Variants in DAZAP1 observed in about 807,000 individuals in gnomAD.
DAZAP1 encodes DAZ-associated protein 1.
A neutral mutation model predicts 60.1 loss-of-function variants in DAZAP1; 6 were observed. That is an observed-to-expected ratio of 0.10 (90% CI 0.05 to 0.20). DAZAP1 has a LOEUF of 0.20. Ranked by LOEUF, DAZAP1 falls within the 10% of genes least tolerant of loss-of-function variation. The probability of loss-of-function intolerance (pLI) is 1.00; values close to 1 mark genes in which losing one functional copy is unlikely to be tolerated. For synonymous variants in DAZAP1, 235 were observed against 215.9 expected (o/e 1.09, Z -0.78); for missense variants, 366 against 560.4 (o/e 0.65, Z 3.50).
Position 1,426,243 on chromosome 19 carries a change from CG to C in DAZAP1, c.546+285del, listed in dbSNP as rs1775327836. ...GGGGGCTGGGGCTGGGAGGCTGTGGCGGTGTTGGGGCTGGCTCCAGTGAAAC... is the reference window on the plus strand; with the variant it reads ...GGGGGCTGGGGCTGGGAGGCTGTGGCGTGTTGGGGCTGGCTCCAGTGAAAC... On this transcript the variant is annotated intron_variant, in intron 7 of 11. Coordinates refer to ENST00000233078, the MANE Select transcript of DAZAP1 (RefSeq NM_018959.4). The surrounding 1 kb of genome is among the most constrained non-coding windows in gnomAD (Gnocchi z 5.4). 27 of 417,342 alleles carry C rather than the reference CG, an allele frequency of 6.5e-5. No individual in the cohort carries two copies. Among genetic ancestry groups the C allele is most frequent in the South Asian group, 6.3e-4 (27 of 43,062 alleles). The allele number at this position is 417,342 out of a possible 1,614,324, so 25.9% of individuals were successfully genotyped here.
chr19:1,424,145 C>G (rs927996736), intron 6 of DAZAP1, among the ~76,000 whole-genome samples: 1 of 151,952 alleles, frequency 6.6e-6, no homozygotes, highest in Non-Finnish European at 1.5e-5. Flanking sequence ...TCAGGGACCC[C>G]GCCTGTGTCT....
chr19:1,411,214 G>A (rs1249754719), intron 1 of DAZAP1, among the ~76,000 whole-genome samples: 1 of 152,228 alleles, frequency 6.6e-6, no homozygotes. Flanking sequence ...TGGTGCATTT[G>A]GAGTTATTCC....
chr19:1,433,568 T>A lies in DAZAP1; in HGVS notation c.1048+878T>A. Reference sequence around the variant, plus strand: ...GTTCCCCTGCCCCCACGCCCAGGCCTTGGGCCGAGGTTGCCGCATGTGTGG... The same window carrying A: ...GTTCCCCTGCCCCCACGCCCAGGCCATGGGCCGAGGTTGCCGCATGTGTGG... On this transcript the variant is annotated intron_variant, in intron 11 of 11. Coordinates refer to ENST00000233078, the MANE Select transcript of DAZAP1 (RefSeq NM_018959.4). This position sits in a 1 kb window ranked among gnomAD's most constrained non-coding sequence, Gnocchi z 6.1. 4 of 556,868 alleles carry A rather than the reference T, an allele frequency of 7.2e-6. No homozygotes were observed. Among genetic ancestry groups the A allele is most frequent in the African/African-American group, 1.9e-5 (1 of 52,240 alleles). 34.5% of individuals were successfully genotyped at this position (556,868 alleles called of 1,614,324 possible). A position where few individuals can be genotyped will look rare whatever the true frequency, so the allele number is the denominator to read the frequency against.
In DAZAP1 at chr19:1,418,800, C is replaced by T; in HGVS notation, c.303+69C>T. 6.8e-7 allele frequency: 1 copy of T among 1,468,394 alleles called. No homozygotes were observed. The highest frequency in any genetic ancestry group is 9.2e-7 in the Non-Finnish European group (1 of 1,082,376). The allele number at this position is 1,468,394 out of a possible 1,614,324, so 91.0% of individuals were successfully genotyped here. On this transcript the variant is annotated intron_variant, in intron 4 of 11. Transcript: ENST00000233078. The surrounding 1 kb of genome is among the most constrained non-coding windows in gnomAD (Gnocchi z 5.7). ...CACGTGGAAAGGAAATGCGTGCCTTCAATCTGCTGTTGTCGCTCGTTAAGA... is the reference window on the plus strand; with the variant it reads ...CACGTGGAAAGGAAATGCGTGCCTTTAATCTGCTGTTGTCGCTCGTTAAGA...
At chr19:1,408,601 C>T (rs1268879709) in intron 1 of DAZAP1, among the ~76,000 whole-genome samples, 1 of 152,144 alleles carries the variant, frequency 6.6e-6, no homozygotes, top group Non-Finnish European at 1.5e-5. Flanking sequence ...CTCGGGTCAG[C>T]CGGGGCCTGC....
At position 1,422,333 on chromosome 19, in the gene DAZAP1, A is replaced by C; in HGVS notation, c.415-15A>C. On this transcript the variant is annotated splice_polypyrimidine_tract_variant and intron_variant, in intron 5 of 11. Transcript: ENST00000233078. This position sits in a 1 kb window ranked among gnomAD's most constrained non-coding sequence, Gnocchi z 4.5. ...TGGCCCTGGTGTCCGTGCTGACGCC[A>C]CCCTCTCCTTCCAGGTCACGGAGGT... 1 of 1,613,418 alleles carries C rather than the reference A, an allele frequency of 6.2e-7. No individual in the cohort carries two copies. Among genetic ancestry groups the C allele is most frequent in the Non-Finnish European group, 8.5e-7 (1 of 1,179,732 alleles).
intron 1 of DAZAP1, among the ~76,000 whole-genome samples, chr19:1,411,257 G>A (rs1303475426): frequency 6.6e-6 from 1 of 152,220 alleles, no homozygotes; most frequent in Non-Finnish European, 1.5e-5. Context: ...TCAGCACTCT[G>A]GCCTGGATCA....
chr19:1,415,103 G>C (rs900891649), intron 1 of DAZAP1, among the ~76,000 whole-genome samples: 1 of 151,958 alleles, frequency 6.6e-6, no homozygotes, highest in Non-Finnish European at 1.5e-5. Context: ...TAACCCCCCC[G>C]GCCCTGTTTC....
Position 1,433,374 on chromosome 19 carries a change from GCACCAGGGGTCATT to G in DAZAP1, c.1048+688_1048+701del, listed in dbSNP as rs2083505123. On this transcript the variant is annotated intron_variant, in intron 11 of 11. Coordinates refer to ENST00000233078, the MANE Select transcript of DAZAP1 (RefSeq NM_018959.4). This position sits in a 1 kb window ranked among gnomAD's most constrained non-coding sequence, Gnocchi z 6.1. ...GCTCCAACTACGGTCAGCTCCTCCAGCACCAGGGGTCATTCACAAGCAGGGTTTGAGAACATGGG... is the reference window on the plus strand; with the variant it reads ...GCTCCAACTACGGTCAGCTCCTCCAGCACAAGCAGGGTTTGAGAACATGGG... 2 of 290,102 alleles carry G rather than the reference GCACCAGGGGTCATT, an allele frequency of 6.9e-6. No individual in the cohort carries two copies. Among genetic ancestry groups the G allele is most frequent in the Admixed American group, 4.7e-5 (1 of 21,218 alleles). 18.0% of individuals were successfully genotyped at this position (290,102 alleles called of 1,614,324 possible). A position where few individuals can be genotyped will look rare whatever the true frequency, so the allele number is the denominator to read the frequency against.
At chr19:1,421,853 G>T (rs2083165672) in intron 5 of DAZAP1, among the ~76,000 whole-genome samples, 1 of 152,206 alleles carries the variant, frequency 6.6e-6, no homozygotes, top group Non-Finnish European at 1.5e-5. Context: ...ACCTGAGGGT[G>T]CCACGGGCCT....
chr19:1,433,052 G>T lies in DAZAP1; in HGVS notation c.1048+362G>T. ...TCCCGGGTGCACTGGCCCCTTGGTG[G>T]GTTCCAGTTTCTGGCGTCATCAGCC... On this transcript the variant is annotated intron_variant, in intron 11 of 11. Coordinates refer to ENST00000233078, the MANE Select transcript of DAZAP1 (RefSeq NM_018959.4). This position sits in a 1 kb window ranked among gnomAD's most constrained non-coding sequence, Gnocchi z 6.1. The T allele has an allele frequency of 8.5e-6, 2 of 233,960 alleles. No individual in the cohort carries two copies. The highest frequency in any genetic ancestry group is 1.4e-4 in the South Asian group (2 of 13,850). The allele number at this position is 233,960 out of a possible 1,614,324, so 14.5% of individuals were successfully genotyped here. A position where few individuals can be genotyped will look rare whatever the true frequency, so the allele number is the denominator to read the frequency against.
chr19:1,417,573 C>T (rs1383644121), intron 2 of DAZAP1, 33 bp downstream of exon 2: 10 of 1,590,390 alleles, frequency 6.3e-6, no homozygotes. Flanking sequence ...GTGGGTACTG[C>T]AGATGGGCTC....
chr19:1,431,712 C>T (rs1187992172), intron 10 of DAZAP1, among the ~76,000 whole-genome samples: 4 of 152,226 alleles, frequency 2.6e-5, no homozygotes, highest in South Asian at 2.1e-4. Flanking sequence ...TCTTGGCACC[C>T]TCCAGTAGAG....
rs2083513263 is a variant in DAZAP1, at chr19:1,433,620, C to G, written c.1048+930C>G. On this transcript the variant is annotated intron_variant, in intron 11 of 11. Coordinates refer to ENST00000233078, the MANE Select transcript of DAZAP1 (RefSeq NM_018959.4). This position sits in a 1 kb window ranked among gnomAD's most constrained non-coding sequence, Gnocchi z 6.1. ...TTCTTGACCCACTCACCACCAAACC[C>G]TGGCGTGTCTGAGACTGGCAGGGGG... 2 of 803,336 alleles carry G rather than the reference C, an allele frequency of 2.5e-6. No individual in the cohort carries two copies. Among genetic ancestry groups the G allele is most frequent in the Non-Finnish European group, 4.1e-6 (2 of 485,594 alleles). The allele number at this position is 803,336 out of a possible 1,614,324, so 49.8% of individuals were successfully genotyped here.
chr19:1,430,183 A>G (rs777380702), intron 9 of DAZAP1, 39 bp from the exon 10 acceptor site: 15 of 1,581,382 alleles, frequency 9.5e-6, no homozygotes, highest in Non-Finnish European at 1.2e-5. Flanking sequence ...TGTGTTGTCC[A>G]GCGCTCTCTG....
chr19:1,426,057 C>T lies in DAZAP1; in HGVS notation c.546+97C>T, dbSNP rs1162696658. ...AGGAACATTCCTTCACGGAAAGGGT[C>T]GGGCGAGTTCGTCCTGTGAACCTTT... On this transcript the variant is annotated intron_variant, in intron 7 of 11. Transcript: ENST00000233078. This position sits in a 1 kb window ranked among gnomAD's most constrained non-coding sequence, Gnocchi z 5.4. The T allele has an allele frequency of 5.5e-6, 5 of 914,648 alleles. No individual in the cohort carries two copies. The highest frequency in any genetic ancestry group is 2.4e-5 in the East Asian group (1 of 41,052). The allele number at this position is 914,648 out of a possible 1,614,324, so 56.7% of individuals were successfully genotyped here.
intron 1 of DAZAP1, among the ~76,000 whole-genome samples, chr19:1,413,656 G>T (rs1308324862): frequency 6.6e-6 from 1 of 152,236 alleles, no homozygotes; most frequent in Non-Finnish European, 1.5e-5. Flanking sequence ...ACACAGTGTG[G>T]CCGCGCGCGG....
At position 1,423,759 on chromosome 19, in the gene DAZAP1, G is replaced by A. The variant is rs530794513; in HGVS notation, c.463+1363G>A. Among the ~76,000 whole-genome samples the A allele has an allele frequency of 6.2e-4, 94 of 152,364 alleles. No individual in the cohort carries two copies. Among genetic ancestry groups the A allele is most frequent in the African/African-American group, 2.0e-3 (85 of 41,592 alleles). ...CTGATCTTGGGAAACTTGAGCGCGC[G>A]GGAATCTGAGGGTTGCTTCTAGATC... is the stretch of plus-strand genomic sequence containing the variant. On this transcript the variant is annotated intron_variant, in intron 6 of 11. Coordinates refer to ENST00000233078, the MANE Select transcript of DAZAP1 (RefSeq NM_018959.4). The surrounding 1 kb of genome is among the most constrained non-coding windows in gnomAD (Gnocchi z 6.8).
intron 4 of DAZAP1, among the ~76,000 whole-genome samples, chr19:1,420,349 C>A (rs1237549258): frequency 6.9e-6 from 1 of 144,206 alleles, no homozygotes. Context: ...AACGTCACGG[C>A]GGCGAGCACT....
Sources: gnomAD v4.1 joint callset for allele counts (sites outside exome capture counted in the v4.1 genomes callset) on GRCh38, gnomAD v4.1.1 for gene constraint, Gnocchi (gnomAD v3.1) non-coding constraint, MANE v1.5 for transcripts, NCBI Gene and HGNC (gene_info 2026-07-23, HGNC 2026-07-21) for gene names.